RALGAPB: variants seen among roughly 807,000 people sequenced by gnomAD.
The protein encoded by RALGAPB is ral GTPase-activating protein subunit beta.
Under a neutral mutation model 161.1 loss-of-function variants are expected in RALGAPB, and 25 were observed. The observed-to-expected ratio is 0.16, with a 90% CI of 0.11 to 0.22. The LOEUF is 0.22. Ranked by LOEUF, RALGAPB falls within the 10% of genes least tolerant of loss-of-function variation. RALGAPB has a pLI of 1.00. For missense variants in RALGAPB, 1,391 were observed against 1,815.2 expected (o/e 0.77, Z 4.25); for synonymous variants, 629 against 626.1 (o/e 1.00, Z -0.07).
At chr20:38,509,719 T>C (rs972453833) in intron 6 of RALGAPB, among the ~76,000 whole-genome samples, 1 of 152,228 alleles carries the variant, frequency 6.6e-6, no homozygotes, top group African/African-American at 2.4e-5. Context: ...GCTTCATCAC[T>C]TTTTACTTGT....
chr20:38,546,218 CTG>C (rs1568962180), intron 18 of RALGAPB, 23 bp from the exon 19 acceptor site: 1 of 1,612,776 alleles, frequency 6.2e-7, no homozygotes, highest in African/African-American at 1.3e-5. Flanking sequence ...TGGGAATTAA[CTG>C]TTATCTTTTC....
intron 1 of RALGAPB, among the ~76,000 whole-genome samples, chr20:38,482,973 A>G (rs1219397417): frequency 6.6e-6 from 1 of 152,134 alleles, no homozygotes; most frequent in Non-Finnish European, 1.5e-5. Context: ...CTGTAGCCCC[A>G]ACACCAGGAT....
chr20:38,518,072 A>G, intron 9 of RALGAPB, 72 bp downstream of exon 9: 1 of 1,377,442 alleles, frequency 7.3e-7, no homozygotes, highest in Non-Finnish European at 1.0e-6. Context: ...AGTCTTTCCT[A>G]CCTGCAAGAT....
chr20:38,558,433 G>A lies in RALGAPB; in HGVS notation c.3511G>A (p.Gly1171Ser), dbSNP rs1206305389. The change falls in exon 23 of 30, where the codon GGT (glycine) becomes AGT (serine). Residue 1171 changes from glycine (G) to serine (S), a missense_variant. Physicochemically the swap from Gly to Ser is moderately conservative, Grantham distance 56 (BLOSUM62 0). Around this residue, in one of 3 missense-constraint regions of RALGAPB, gnomAD observed 436 missense variants for 527.0 expected, o/e 0.83. Coordinates refer to ENST00000262879, the MANE Select transcript of RALGAPB (RefSeq NM_020336.4). The part of the protein sequence containing the change: ...DTVFIFYMKP[G>S]QKTNQEILKN... The stretch of plus-strand genomic sequence containing the variant: ...AGTTTTTATTTTCTATATGAAGCCA[G>A]GTCAGAAAACGAACCAAGAGGTAAG... The A allele has an allele frequency of 1.9e-6, 3 of 1,589,346 alleles. No individual in the cohort carries two copies. Among genetic ancestry groups the A allele is most frequent in the Non-Finnish European group, 2.6e-6 (3 of 1,167,848 alleles).
chr20:38,500,104 TA>T (rs2085534469), intron 5 of RALGAPB: 1 of 152,180 alleles, frequency 6.6e-6, no homozygotes. Context: ...CATTTATATT[TA>T]ATACCATCGC....
At position 38,574,889 on chromosome 20, in the gene RALGAPB, G is replaced by A. The variant is rs1444006635; in HGVS notation, c.4407G>A (p.Lys1469=). ...AGAAAATCACCGACATTGTCAACAAGTACCGGAACAAGCAGCTGGAGCCAG... is the reference window on the plus strand; with the variant it reads ...AGAAAATCACCGACATTGTCAACAAATACCGGAACAAGCAGCTGGAGCCAG... ...RKQKITDIVN[K]YRNKQLEPEF... The change falls in exon 30 of 30, where the codon AAG becomes AAA. Residue 1469 remains lysine (K), a synonymous_variant. Coordinates refer to ENST00000262879, the MANE Select transcript of RALGAPB (RefSeq NM_020336.4). The A allele has an allele frequency of 2.5e-6, 4 of 1,613,880 alleles. No individual in the cohort carries two copies. The highest frequency in any genetic ancestry group is 2.2e-5 in the East Asian group (1 of 44,896).
At chr20:38,510,168 AC>A (rs994311092) in intron 6 of RALGAPB, among the ~76,000 whole-genome samples, 1 of 137,392 alleles carries the variant, frequency 7.3e-6, no homozygotes, top group African/African-American at 2.6e-5. Flanking sequence ...ACACACACAG[AC>A]ACACGCATGC....
At chr20:38,524,146 G>A (rs2086382052) in intron 10 of RALGAPB, among the ~76,000 whole-genome samples, 1 of 152,174 alleles carries the variant, frequency 6.6e-6, no homozygotes, top group Non-Finnish European at 1.5e-5. Flanking sequence ...GTTGATTAGA[G>A]GTTGGGGGTG....
intron 18 of RALGAPB, among the ~76,000 whole-genome samples, chr20:38,542,094 C>T (rs1425761077): frequency 1.3e-5 from 2 of 152,042 alleles, no homozygotes; most frequent in Admixed American, 6.5e-5. Flanking sequence ...CTGAATGGAA[C>T]AGTTAGTGGA....
intron 1 of RALGAPB, among the ~76,000 whole-genome samples, chr20:38,481,336 C>T (rs952535195): frequency 1.3e-5 from 2 of 152,000 alleles, no homozygotes; most frequent in Non-Finnish European, 2.9e-5. Context: ...AAAGACATAC[C>T]CAAGACTGAG....
At chr20:38,514,014 A>G (rs1393752337) in intron 6 of RALGAPB, among the ~76,000 whole-genome samples, 1 of 149,322 alleles carries the variant, frequency 6.7e-6, no homozygotes, top group Admixed American at 6.6e-5. Flanking sequence ...TAGTACTTAG[A>G]TAGTCTTTCT....
In RALGAPB at chr20:38,545,181, A is replaced by G. The variant is rs78040904; in HGVS notation, c.2715-1062A>G. Among the ~76,000 whole-genome samples the G allele has an allele frequency of 4.3e-3, 656 of 152,328 alleles. 3 individuals are homozygous for G. Among genetic ancestry groups the G allele is most frequent in the African/African-American group, 0.015 (631 of 41,568 alleles). ...TTGAACAGATAGACTCGCAAAGCAC[A>G]TCATCAGAGCACTTCCTTCAGGTCC... On this transcript the variant is annotated intron_variant, in intron 18 of 29. Coordinates refer to ENST00000262879, the MANE Select transcript of RALGAPB (RefSeq NM_020336.4).
At position 38,512,267 on chromosome 20, in the gene RALGAPB, T is replaced by C. The variant is rs376149515; in HGVS notation, c.872+3059T>C. Among the ~76,000 whole-genome samples the C allele has an allele frequency of 2.0e-3, 303 of 152,352 alleles. 4 individuals carry two copies. Among genetic ancestry groups the C allele is most frequent in the African/African-American group, 6.7e-3 (280 of 41,588 alleles). Reference sequence around the variant, plus strand: ...ATATTTCACTGATTCTTCTGAGATATGGGCACATATCTGCAAATAAGAAGT... The same window carrying C: ...ATATTTCACTGATTCTTCTGAGATACGGGCACATATCTGCAAATAAGAAGT... On this transcript the variant is annotated intron_variant, in intron 6 of 29. Coordinates refer to ENST00000262879, the MANE Select transcript of RALGAPB (RefSeq NM_020336.4).
chr20:38,573,962 T>C (rs1601099658), intron 28 of RALGAPB, 188 bp from the exon 29 acceptor site: 1 of 447,212 alleles, frequency 2.2e-6, no homozygotes, highest in Non-Finnish European at 3.9e-6. Flanking sequence ...CCAGATGTTA[T>C]AGGGGGTAGC....
In RALGAPB at chr20:38,551,123, A is replaced by G; in HGVS notation, c.3062A>G (p.Tyr1021Cys). The change falls in exon 21 of 30, where the codon TAT (tyrosine) becomes TGT (cysteine). Residue 1021 changes from tyrosine (Y) to cysteine (C), a missense_variant. Transcript: ENST00000262879. ...PVPKNDVGFKYSVKHRPFPEE... is the reference protein window; with the variant it reads ...PVPKNDVGFKCSVKHRPFPEE... ...CCTAAAAATGACGTTGGATTTAAAT[A>G]TTCTGTGAAACATCGGCCATTTCCT... The G allele has an allele frequency of 1.2e-6, 2 of 1,613,950 alleles. No individual in the cohort carries two copies. The highest frequency in any genetic ancestry group is 1.7e-6 in the Non-Finnish European group (2 of 1,179,824).
At chr20:38,532,327 G>A (rs1379016777) in intron 14 of RALGAPB, among the ~76,000 whole-genome samples, 6 of 152,222 alleles carry the variant, frequency 3.9e-5, no homozygotes, top group Non-Finnish European at 8.8e-5. Context: ...AAAGTGCCGG[G>A]ATTACAGGTG....
intron 5 of RALGAPB, among the ~76,000 whole-genome samples, chr20:38,505,118 C>T (rs1012498390): frequency 6.6e-6 from 1 of 152,176 alleles, no homozygotes; most frequent in African/African-American, 2.4e-5. Context: ...ACCGAAAAGA[C>T]ACATGCACTT....
At chr20:38,562,190 GACA>G (rs2087808756) in intron 23 of RALGAPB, among the ~76,000 whole-genome samples, 1 of 152,186 alleles carries the variant, frequency 6.6e-6, no homozygotes. Context: ...TGAAGGCAGG[GACA>G]TAGTGTCTTT....
intron 25 of RALGAPB, 57 bp downstream of exon 25, chr20:38,565,535 T>C: frequency 6.4e-7 from 1 of 1,574,796 alleles, no homozygotes. Context: ...TCCTGGGTTG[T>C]GTGATATTAC....
Sources: allele counts gnomAD v4.1 joint callset (sites outside exome capture counted in the v4.1 genomes callset), GRCh38; gene constraint gnomAD v4.1.1; regional missense constraint gnomAD v4.1.1; transcripts MANE v1.5; gene names NCBI Gene and HGNC (gene_info 2026-07-23, HGNC 2026-07-21).